Variants in ZNF717 observed in about 807,000 individuals in gnomAD.
ZNF717 encodes the protein krueppel-like factor X17.
A neutral mutation model predicts 13.8 loss-of-function variants in ZNF717; 9 were observed. That is an observed-to-expected ratio of 0.65 (90% confidence interval 0.39 to 1.14). The LOEUF is 1.14. Ranked by LOEUF, ZNF717 falls within the 50% of genes most tolerant of loss-of-function variation. The probability of loss-of-function intolerance (pLI) is 0.01; values close to 1 mark genes in which losing one functional copy is unlikely to be tolerated. For synonymous variants in ZNF717, 327 were observed against 364.1 expected, an observed-to-expected ratio of 0.90 and a Z score of 1.16; for missense variants, 1,040 against 1,080.7, an observed-to-expected ratio of 0.96 and a Z score of 0.53.
chr3:75,711,604 T>C (rs1937939684), intron 5 of ZNF717, among the ~76,000 whole-genome samples: 1 of 152,132 alleles, frequency 6.6e-6, no homozygotes, highest in Admixed American at 6.6e-5. Context: ...GAGATCAGCC[T>C]GGGCAATATG....
At chr3:75,758,894 T>C (rs1575883844) in intron 2 of ZNF717, among the ~76,000 whole-genome samples, 1 of 151,780 alleles carries the variant, frequency 6.6e-6, no homozygotes, top group Non-Finnish European at 1.5e-5. Context: ...TCCCAGCTAG[T>C]CAGGAGTCTG....
chr3:75,710,725 G>GTAA (rs1937913624), exon 6 of ZNF717: 1 of 152,096 alleles, frequency 6.6e-6, no homozygotes, highest in African/African-American at 2.4e-5. Context: ...TAGGGCTTTA[G>GTAA]TAACAGAGCA....
downstream of ZNF717, among the ~76,000 whole-genome samples, chr3:75,733,447 G>C (rs1394698768): frequency 5.3e-5 from 8 of 152,092 alleles, no homozygotes; most frequent in Non-Finnish European, 8.8e-5. Flanking sequence ...ACCAAAGGTG[G>C]AGTGGACAAC....
At chr3:75,760,907 A>T (rs1418958472) in intron 2 of ZNF717, among the ~76,000 whole-genome samples, 4 of 152,098 alleles carry the variant, frequency 2.6e-5, no homozygotes, top group Non-Finnish European at 5.9e-5. Flanking sequence ...CAGCCATATT[A>T]AGAAAAAAAG....
intron 2 of ZNF717, among the ~76,000 whole-genome samples, chr3:75,760,472 G>A (rs1158234276): frequency 6.6e-6 from 1 of 151,996 alleles, no homozygotes. Flanking sequence ...ATTACAATAG[G>A]ACAAAAAAAT....
intron 4 of ZNF717, among the ~76,000 whole-genome samples, chr3:75,740,937 G>A (rs1940335088): frequency 6.9e-6 from 1 of 145,624 alleles, no homozygotes; most frequent in East Asian, 2.1e-4. Context: ...ACATTCAAAG[G>A]ATAAATAAAT....
downstream of ZNF717, among the ~76,000 whole-genome samples, chr3:75,734,757 AAC>A (rs1178700694): frequency 6.0e-5 from 9 of 149,474 alleles, no homozygotes; most frequent in African/African-American, 2.2e-4. Context: ...TAATTGACCT[AAC>A]ATATAACAGT....
chr3:75,757,827 A>G (rs947521249), intron 2 of ZNF717, among the ~76,000 whole-genome samples: 10 of 152,012 alleles, frequency 6.6e-5, no homozygotes, highest in African/African-American at 2.2e-4. Context: ...CATTAGGAGA[A>G]GTTGGGGCCG....
intron 5 of ZNF717, among the ~76,000 whole-genome samples, chr3:75,713,151 T>G (rs1447360854): frequency 6.6e-6 from 1 of 151,988 alleles, no homozygotes; most frequent in East Asian, 1.9e-4. Flanking sequence ...AATTAAAATT[T>G]TATTATTTTA....
In ZNF717 at chr3:75,736,866, T is replaced by C. The variant is rs1169005813; in HGVS notation, c.*12A>G. 2.6e-6 allele frequency: 4 copies of C among 1,536,108 alleles called. No homozygotes were observed. The highest frequency in any genetic ancestry group is 4.9e-5 in the East Asian group (2 of 40,814). The stretch of plus-strand genomic sequence containing the variant: ...ATCTGTAATAGTAGCCAGAGAGGTG[T>C]AGGTTGTGTGTTCAAGGGAAAAAAG... On this transcript the variant is annotated 3_prime_UTR_variant, in exon 5 of 5. Coordinates refer to ENST00000652011, the MANE Select transcript of ZNF717 (RefSeq NM_001290208.3).
intron 2 of ZNF717, among the ~76,000 whole-genome samples, chr3:75,745,219 T>A (rs112326415): frequency 9.2e-5 from 14 of 151,816 alleles, no homozygotes; most frequent in African/African-American, 3.4e-4. Flanking sequence ...AATTGACATA[T>A]GACATTGCAA....
chr3:75,707,610 G>A (rs1489152171), downstream of ZNF717, among the ~76,000 whole-genome samples: 1 of 152,262 alleles, frequency 6.6e-6, no homozygotes, highest in Non-Finnish European at 1.5e-5. Context: ...GTGCAGGACA[G>A]TGGGTGCAGT....
intron 2 of ZNF717, among the ~76,000 whole-genome samples, chr3:75,777,085 CATG>C (rs1441381126): frequency 6.6e-6 from 1 of 152,158 alleles, no homozygotes; most frequent in African/African-American, 2.4e-5. Context: ...TAAGAGTTTG[CATG>C]CAGCCATCTC....
intron 6 of ZNF717, among the ~76,000 whole-genome samples, chr3:75,696,480 C>A (rs1209539697): frequency 6.6e-6 from 1 of 152,404 alleles, no homozygotes; most frequent in East Asian, 1.9e-4. Context: ...TTGCAAAAAA[C>A]CTAGCAAACT....
intron 2 of ZNF717, among the ~76,000 whole-genome samples, chr3:75,744,290 G>GT (rs1940867357): frequency 6.6e-6 from 1 of 152,232 alleles, no homozygotes; most frequent in Non-Finnish European, 1.5e-5. Flanking sequence ...ATTTCTGCAT[G>GT]TAAGAAGCTT....
chr3:75,713,093 CA>C (rs1481283961), intron 5 of ZNF717, among the ~76,000 whole-genome samples: 35 of 152,096 alleles, frequency 2.3e-4, no homozygotes, highest in African/African-American at 7.9e-4. Context: ...GCCTGGGTAA[CA>C]GAGTGGGATC....
At chr3:75,708,656 A>G (rs1937861424), downstream of ZNF717, among the ~76,000 whole-genome samples, 1 of 152,218 alleles carries the variant, frequency 6.6e-6, no homozygotes, top group African/African-American at 2.4e-5. Context: ...GATCCAGACG[A>G]TCAAACTACT....
intron 2 of ZNF717, among the ~76,000 whole-genome samples, chr3:75,757,689 A>G (rs1383888884): frequency 6.6e-6 from 1 of 152,206 alleles, no homozygotes; most frequent in African/African-American, 2.4e-5. Context: ...TCATAAAGCT[A>G]TAGCTTGTCT....
rs781434164 is a variant in ZNF717 at position 75,747,651 on chromosome 3, G to A, written c.58-5915C>T. On this transcript the variant is annotated intron_variant, in intron 2 of 4. Transcript: ENST00000652011. ...TGAATGGGAGTTCACTCATGATTTG[G>A]CTCTCTGTTTCCCTGTTATTGGTGT... 2.2e-4 allele frequency among the ~76,000 whole-genome samples: 33 copies of A among 152,160 alleles called. 1 individual carries two copies. Among genetic ancestry groups the A allele is most frequent in the South Asian group, 2.1e-3 (10 of 4,812 alleles).
Sources: allele counts gnomAD v4.1 joint callset (sites outside exome capture counted in the v4.1 genomes callset), GRCh38; gene constraint gnomAD v4.1.1; transcripts MANE v1.5; gene names NCBI Gene and HGNC (gene_info 2026-07-23, HGNC 2026-07-21).